SAMD5: variants seen among roughly 807,000 people sequenced by gnomAD.
SAMD5 encodes sterile alpha motif domain containing 5.
SAMD5 carries 13 observed loss-of-function variants against 11.3 expected under a neutral mutation model. That is an observed-to-expected ratio of 1.15 (90% CI 0.75 to 1.83). The LOEUF (loss-of-function observed/expected upper bound fraction) is 1.83, where lower values mean the gene tolerates loss of function less well. Among genes scored for constraint, SAMD5 ranks in the 40% most tolerant of loss-of-function variants. The pLI is 0.00. For synonymous variants in SAMD5, 129 were observed against 111.3 expected, an observed-to-expected ratio of 1.16 and a Z score of -1.00; for missense variants, 255 against 239.1, an observed-to-expected ratio of 1.07 and a Z score of -0.44.
At chr6:147,538,463 GTTGTC>G (rs1468023971) in intron 1 of SAMD5, among the ~76,000 whole-genome samples, 1 of 152,126 alleles carries the variant, frequency 6.6e-6, no homozygotes, top group African/African-American at 2.4e-5. Context: ...TGTTTCTCCA[GTTGTC>G]TTAATTGTAT....
chr6:147,636,281 G>T (rs1450173468), intron 1 of SAMD5, among the ~76,000 whole-genome samples: 1 of 152,076 alleles, frequency 6.6e-6, no homozygotes, highest in African/African-American at 2.4e-5. Flanking sequence ...AACATGCGAG[G>T]TAATTCTGTA....
chr6:147,709,939 CA>C (rs1245804872), intron 1 of SAMD5, among the ~76,000 whole-genome samples: 3 of 152,202 alleles, frequency 2.0e-5, no homozygotes, highest in African/African-American at 7.2e-5. Context: ...TAAAACTGTG[CA>C]GTCACCCCTG....
chr6:147,912,849 A>C, the SAMD5 span, among the ~76,000 whole-genome samples: 2 of 152,160 alleles, frequency 1.3e-5, no homozygotes, highest in Admixed American at 6.5e-5. Context: ...ATTTTATATA[A>C]GAAATAAGGG....
the SAMD5 span, among the ~76,000 whole-genome samples, chr6:147,818,000 T>G: frequency 6.6e-6 from 1 of 152,228 alleles, no homozygotes; most frequent in Non-Finnish European, 1.5e-5. Context: ...TTATGAAAAT[T>G]TACTTTAGTT....
At chr6:147,851,918 T>C in the SAMD5 span, among the ~76,000 whole-genome samples, 2 of 152,200 alleles carry the variant, frequency 1.3e-5, no homozygotes, top group Admixed American at 6.5e-5. Context: ...GGAAATAAAA[T>C]ATTGCATGTC....
the SAMD5 span, among the ~76,000 whole-genome samples, chr6:147,755,223 T>C: frequency 1.3e-5 from 2 of 152,114 alleles, no homozygotes; most frequent in Non-Finnish European, 2.9e-5. Context: ...TGGTGTTCTC[T>C]TCAATTTCTT....
At chr6:147,768,301 C>T in the SAMD5 span, among the ~76,000 whole-genome samples, 1 of 152,210 alleles carries the variant, frequency 6.6e-6, no homozygotes, top group East Asian at 1.9e-4. Flanking sequence ...AGTTCGAAAC[C>T]AGCCTGGCCA....
intron 1 of SAMD5, among the ~76,000 whole-genome samples, chr6:147,608,207 A>C (rs767530963): frequency 7.4e-4 from 113 of 152,206 alleles, no homozygotes; most frequent in Admixed American, 7.9e-4. Flanking sequence ...AATTAGCACA[A>C]ACACTATGGA....
the SAMD5 span, among the ~76,000 whole-genome samples, chr6:147,847,758 C>T: frequency 4.6e-4 from 70 of 152,248 alleles, 1 homozygote; most frequent in Middle Eastern, 3.4e-3. Flanking sequence ...GAGGCTGAGG[C>T]AGGAAAATCG....
chr6:147,620,171 C>A lies in SAMD5; in HGVS notation c.162+110784C>A, dbSNP rs188699759. On this transcript the variant is annotated intron_variant, in intron 1 of 1. Transcript: ENST00000566741. ...CCGTGCGTTCCATCCTTCCTTTCCT[C>A]GAGCTTCTCTTCCTCCATCCACCAC... Among the ~76,000 whole-genome samples the A allele has an allele frequency of 2.0e-3, 300 of 152,268 alleles. 1 individual carries two copies. Among genetic ancestry groups the A allele is most frequent in the Admixed American group, 5.2e-3 (79 of 15,294 alleles).
At chr6:147,509,464 G>C in intron 1 of SAMD5, 77 bp downstream of exon 1, 1 of 1,340,536 alleles carries the variant, frequency 7.5e-7, no homozygotes. Context: ...CCAAGGCTTT[G>C]CAACCCATTC....
intron 1 of SAMD5, among the ~76,000 whole-genome samples, chr6:147,542,361 C>T (rs1268956679): frequency 3.3e-5 from 5 of 152,154 alleles, no homozygotes; most frequent in African/African-American, 7.2e-5. Context: ...GTTCACCTTG[C>T]GCACTACCTG....
At position 147,569,530 on chromosome 6, in the gene SAMD5, T is replaced by A. The variant is rs1789103174; in HGVS notation, c.*5074T>A. Reference sequence around the variant, plus strand: ...ATGTCTTTTATAGGTATATTCTGTATAATACCCTTAATTAGATGAATTATC... The same window carrying A: ...ATGTCTTTTATAGGTATATTCTGTAAAATACCCTTAATTAGATGAATTATC... On this transcript the variant is annotated 3_prime_UTR_variant, in exon 2 of 2. Transcript: ENST00000367474. 1.1e-6 allele frequency: 1 copy of A among 870,638 alleles called. No individual in the cohort carries two copies. Among genetic ancestry groups the A allele is most frequent in the African/African-American group, 1.8e-5 (1 of 54,966 alleles). The allele number at this position is 870,638 out of a possible 1,614,324, so 53.9% of individuals were successfully genotyped here. A position where few individuals can be genotyped will look rare whatever the true frequency, so the allele number is the denominator to read the frequency against.
chr6:147,851,956 A>T, the SAMD5 span, among the ~76,000 whole-genome samples: 1 of 152,194 alleles, frequency 6.6e-6, no homozygotes, highest in Non-Finnish European at 1.5e-5. Context: ...CTAAATCATG[A>T]TGTAGTTTTA....
intron 1 of SAMD5, among the ~76,000 whole-genome samples, chr6:147,537,613 G>GC (rs1788530726): frequency 6.6e-6 from 1 of 152,062 alleles, no homozygotes; most frequent in Non-Finnish European, 1.5e-5. Context: ...AAATTAGCGG[G>GC]CGTGGTGGCG....
chr6:147,895,325 T>C, the SAMD5 span, among the ~76,000 whole-genome samples: 1 of 152,196 alleles, frequency 6.6e-6, no homozygotes. Context: ...TTAGAGATGA[T>C]TTCTTTGTTG....
At chr6:147,902,901 C>G in the SAMD5 span, among the ~76,000 whole-genome samples, 1 of 152,096 alleles carries the variant, frequency 6.6e-6, no homozygotes, top group Non-Finnish European at 1.5e-5. Flanking sequence ...TGCAAAATTC[C>G]TTTTTGGATT....
chr6:147,544,261 T>G (rs1406934138), intron 1 of SAMD5, among the ~76,000 whole-genome samples: 1 of 152,216 alleles, frequency 6.6e-6, no homozygotes, highest in Non-Finnish European at 1.5e-5. Flanking sequence ...TATCTGAAAT[T>G]CTGAAAGATA....
chr6:147,689,066 C>A (rs2128456891), intron 1 of SAMD5, among the ~76,000 whole-genome samples: 1 of 152,106 alleles, frequency 6.6e-6, no homozygotes, highest in Non-Finnish European at 1.5e-5. Flanking sequence ...AGGATGTTTT[C>A]CTGGTTTGGT....
Sources: allele counts gnomAD v4.1 joint callset (sites outside exome capture counted in the v4.1 genomes callset), GRCh38; gene constraint gnomAD v4.1.1; transcripts MANE v1.5; gene names NCBI Gene and HGNC (gene_info 2026-07-23, HGNC 2026-07-21).